Variants in GRIN2A observed in about 807,000 individuals in gnomAD.
GRIN2A encodes the protein glutamate ionotropic receptor NMDA type subunit 2A.
A neutral mutation model predicts 113.4 loss-of-function variants in GRIN2A; 22 were observed. That is an observed-to-expected ratio of 0.19 (90% CI 0.14 to 0.28). GRIN2A has a LOEUF of 0.28. Among genes scored for constraint, GRIN2A ranks in the 10% least tolerant of loss-of-function variants. The pLI is 1.00. For missense variants in GRIN2A, 1,502 were observed against 1,887.0 expected (o/e 0.80, Z 3.78); for synonymous variants, 827 against 738.4 (o/e 1.12, Z -1.94).
At chr16:9,769,125 C>A (rs1218270897) in intron 11 of GRIN2A, 36 bp from the exon 12 acceptor site, 2 of 1,500,610 alleles carry the variant, frequency 1.3e-6, no homozygotes, top group Non-Finnish European at 1.9e-6. Flanking sequence ...CAGTGAGGAC[C>A]AGAACATGCA....
chr16:10,018,238 C>T (rs961186634), intron 2 of GRIN2A, among the ~76,000 whole-genome samples: 21 of 152,110 alleles, frequency 1.4e-4, no homozygotes, highest in African/African-American at 4.8e-4. Flanking sequence ...AATAGAAAAC[C>T]ATAAGACTGT....
chr16:10,051,666 G>GTAT (rs1026514570), intron 2 of GRIN2A, among the ~76,000 whole-genome samples: 10 of 152,180 alleles, frequency 6.6e-5, no homozygotes, highest in African/African-American at 2.4e-4. Context: ...AAGAGAAAGG[G>GTAT]TATTCCAGGG....
rs1045912240 is a variant in GRIN2A at position 9,762,566 on chromosome 16, G to A, written c.*583C>T. 7 of 231,944 alleles carry A rather than the reference G, an allele frequency of 3.0e-5. No individual in the cohort carries two copies. In the South Asian group the frequency reaches 1.2e-3, roughly 40 times the overall value. 14.4% of individuals were successfully genotyped at this position (231,944 alleles called of 1,614,324 possible). The stretch of plus-strand genomic sequence containing the variant: ...TTGCTATTCTTTAGGGGAGCCTGGA[G>A]TTCTTGGGGTGAGCCTGGGCTGTGA... On this transcript the variant is annotated 3_prime_UTR_variant, in exon 13 of 13. Transcript: ENST00000330684.
At chr16:9,938,732 C>G (rs1443593855) in intron 2 of GRIN2A, among the ~76,000 whole-genome samples, 181 bp from the exon 3 acceptor site, 1 of 152,092 alleles carries the variant, frequency 6.6e-6, no homozygotes, top group African/African-American at 2.4e-5. Flanking sequence ...GACAGAAGCC[C>G]CTGTACTCAG....
intron 11 of GRIN2A, among the ~76,000 whole-genome samples, chr16:9,785,758 A>T (rs932600416): frequency 6.6e-6 from 1 of 152,218 alleles, no homozygotes; most frequent in Non-Finnish European, 1.5e-5. Flanking sequence ...AGAATCACCC[A>T]GAAAGGATGT....
intron 2 of GRIN2A, among the ~76,000 whole-genome samples, chr16:10,071,145 G>C (rs931021921): frequency 6.6e-6 from 1 of 152,172 alleles, no homozygotes; most frequent in Admixed American, 6.5e-5. Context: ...AAAGAACCAT[G>C]CCTAGCACAT....
intron 2 of GRIN2A, among the ~76,000 whole-genome samples, chr16:9,956,905 G>A (rs1390816428): frequency 1.3e-5 from 2 of 152,126 alleles, no homozygotes; most frequent in Non-Finnish European, 2.9e-5. Context: ...GGGTCTTTAA[G>A]ATAGCCATTG....
intron 2 of GRIN2A, among the ~76,000 whole-genome samples, chr16:10,165,951 T>C (rs534452404): frequency 2.0e-5 from 3 of 152,292 alleles, no homozygotes; most frequent in African/African-American, 4.8e-5. Context: ...CAAAATCCCA[T>C]TCATGGAAGC....
At chr16:9,782,543 T>C in intron 11 of GRIN2A, among the ~76,000 whole-genome samples, 1 of 152,240 alleles carries the variant, frequency 6.6e-6, no homozygotes, top group Admixed American at 6.5e-5. Context: ...GTGACATCAA[T>C]GTTTGACTTA....
At chr16:10,099,765 A>T (rs922155212) in intron 2 of GRIN2A, among the ~76,000 whole-genome samples, 1 of 152,206 alleles carries the variant, frequency 6.6e-6, no homozygotes, top group African/African-American at 2.4e-5. Flanking sequence ...ACTCCCAAAT[A>T]GAAGGAACTC....
intron 2 of GRIN2A, among the ~76,000 whole-genome samples, chr16:10,101,468 G>C (rs545120137): frequency 6.6e-6 from 1 of 152,324 alleles, no homozygotes; most frequent in South Asian, 2.1e-4. Context: ...AGAACAGTCT[G>C]ATTAAGTTGG....
chr16:9,754,102 T>C lies in GRIN2A; in HGVS notation c.*9047A>G, dbSNP rs1900267000. Reference sequence around the variant, plus strand: ...ATAATTTTTATGATCTAATTCTTATTCAAGCTACCAAGAAACTCACCTTAT... The same window carrying C: ...ATAATTTTTATGATCTAATTCTTATCCAAGCTACCAAGAAACTCACCTTAT... On this transcript the variant is annotated 3_prime_UTR_variant, in exon 13 of 13. Coordinates refer to ENST00000330684, the MANE Select transcript of GRIN2A (RefSeq NM_001134407.3). 5.4e-6 allele frequency: 1 copy of C among 185,196 alleles called. No homozygotes were observed. Among genetic ancestry groups the C allele is most frequent in the Non-Finnish European group, 1.1e-5 (1 of 87,492 alleles). 11.5% of individuals were successfully genotyped at this position (185,196 alleles called of 1,614,324 possible). A position where few individuals can be genotyped will look rare whatever the true frequency, so the allele number is the denominator to read the frequency against.
At chr16:9,952,505 G>C (rs189841721) in intron 2 of GRIN2A, among the ~76,000 whole-genome samples, 1 of 152,298 alleles carries the variant, frequency 6.6e-6, no homozygotes, top group African/African-American at 2.4e-5. Flanking sequence ...GCTAGGGGAA[G>C]AGGCAGGGCC....
chr16:9,928,684 A>G (rs1286320065), intron 3 of GRIN2A, among the ~76,000 whole-genome samples: 1 of 151,356 alleles, frequency 6.6e-6, no homozygotes, highest in Non-Finnish European at 1.5e-5. Context: ...AAGCCCCATC[A>G]CCTCCTCATC....
intron 2 of GRIN2A, chr16:10,179,592 A>C (rs2050216655): frequency 4.6e-6 from 1 of 217,374 alleles, no homozygotes; most frequent in South Asian, 9.1e-5. Flanking sequence ...ATTTTCCCAC[A>C]AAACAATCAG....
intron 4 of GRIN2A, among the ~76,000 whole-genome samples, chr16:9,870,853 G>T (rs1189472691): frequency 6.6e-6 from 1 of 152,116 alleles, no homozygotes; most frequent in South Asian, 2.1e-4. Flanking sequence ...GCCCAGGTTG[G>T]TCTCGAACTC....
At chr16:10,040,891 C>T (rs1596454742) in intron 2 of GRIN2A, among the ~76,000 whole-genome samples, 1 of 152,220 alleles carries the variant, frequency 6.6e-6, no homozygotes, top group Non-Finnish European at 1.5e-5. Flanking sequence ...CTATGCTCTG[C>T]GAAAGCGGCC....
chr16:9,772,584 G>C (rs867371970), intron 11 of GRIN2A, among the ~76,000 whole-genome samples: 3 of 152,088 alleles, frequency 2.0e-5, no homozygotes, highest in Non-Finnish European at 4.4e-5. Flanking sequence ...TCTTGCCCAG[G>C]CTGATGATCT....
At chr16:9,938,715 C>G (rs1439294448) in intron 2 of GRIN2A, among the ~76,000 whole-genome samples, 164 bp from the exon 3 acceptor site, 1 of 152,174 alleles carries the variant, frequency 6.6e-6, no homozygotes, top group Non-Finnish European at 1.5e-5. Context: ...CCTGCAAATA[C>G]AGAGAGGACA....
Sources: gnomAD v4.1 joint callset for allele counts (sites outside exome capture counted in the v4.1 genomes callset) on GRCh38, gnomAD v4.1.1 for gene constraint, MANE v1.5 for transcripts, NCBI Gene and HGNC (gene_info 2026-07-23, HGNC 2026-07-21) for gene names.